The following CHD1L variants were observed in gnomAD, a reference collection of about 807,000 sequenced individuals.
The protein encoded by CHD1L is ATP-dependent chromatin remodeler CHD1L.
CHD1L carries 118 observed loss-of-function variants against 115.9 expected under a neutral mutation model. The ratio of observed to expected loss-of-function variants is 1.02; its 90% confidence interval spans 0.88 to 1.19. The LOEUF (loss-of-function observed/expected upper bound fraction) is 1.19, where lower values mean the gene tolerates loss of function less well. Ranked by LOEUF, CHD1L falls within the 50% of genes most tolerant of loss-of-function variation. The pLI is 0.00. For missense variants in CHD1L, 1,179 were observed against 1,065.3 expected (o/e 1.11, Z -1.49); for synonymous variants, 411 against 387.1 (o/e 1.06, Z -0.72).
At chr1:147,280,542 C>T (rs1393140524) in intron 15 of CHD1L, among the ~76,000 whole-genome samples, 2 of 152,178 alleles carry the variant, frequency 1.3e-5, no homozygotes, top group Non-Finnish European at 2.9e-5. Context: ...TTGCACATAG[C>T]GATTCCTCTT....
rs1553966097 is a variant in CHD1L at position 147,286,517 on chromosome 1, G to A, written c.2221+17G>A. The A allele has an allele frequency of 2.5e-6, 4 of 1,611,656 alleles. No homozygotes were observed. Among genetic ancestry groups the A allele is most frequent in the South Asian group, 2.2e-5 (2 of 90,954 alleles). On this transcript the variant is annotated intron_variant, in intron 18 of 22. Transcript: ENST00000369258. ...ACTGCGTAGGTACGAGAAGTGGTAT[G>A]GGCTGGGGATGGGGGCCTCAGTCCT...
intron 14 of CHD1L, among the ~76,000 whole-genome samples, chr1:147,278,248 CAG>C (rs1679364556): frequency 5.5e-5 from 2 of 36,312 alleles, no homozygotes; most frequent in Admixed American, 8.4e-4. Flanking sequence ...TTTTTTGAGA[CAG>C]AGTCTCGTTC....
At chr1:147,292,317 ACATATG>A (rs1332856348) in intron 20 of CHD1L, among the ~76,000 whole-genome samples, 1 of 152,246 alleles carries the variant, frequency 6.6e-6, no homozygotes, top group Admixed American at 6.5e-5. Flanking sequence ...AGGAACTAAC[ACATATG>A]TCCTCTGCCC....
the CHD1L span, chr1:147,201,108 C>T: frequency 4.3e-6 from 6 of 1,389,236 alleles, no homozygotes; most frequent in Non-Finnish European, 4.0e-6. Context: ...CAGAGGTAAA[C>T]ATATCACCAA....
the CHD1L span, among the ~76,000 whole-genome samples, chr1:147,190,585 G>A: frequency 6.6e-6 from 1 of 152,072 alleles, no homozygotes; most frequent in African/African-American, 2.4e-5. Context: ...TAGTTACAAA[G>A]TTAAAGGGCA....
At chr1:147,212,480 C>T in the CHD1L span, 3 of 1,613,722 alleles carry the variant, frequency 1.9e-6, no homozygotes, top group African/African-American at 2.7e-5. Context: ...CAGTGAATCC[C>T]TCTGGGTTCT....
chr1:147,242,497 C>T (rs1559704579), upstream of CHD1L: 5 of 436,154 alleles, frequency 1.1e-5, no homozygotes, highest in Non-Finnish European at 1.9e-5. Flanking sequence ...GAGAACTGGG[C>T]AGCCCTTCCA....
chr1:147,202,514 T>A, the CHD1L span, among the ~76,000 whole-genome samples: 1 of 151,848 alleles, frequency 6.6e-6, no homozygotes, highest in Non-Finnish European at 1.5e-5. Flanking sequence ...GAGACAGGGT[T>A]TCACCATGTT....
the CHD1L span, chr1:147,203,710 A>C: frequency 1.1e-5 from 16 of 1,517,416 alleles, no homozygotes; most frequent in Non-Finnish European, 1.4e-5. Context: ...CTCTGGGTAC[A>C]AGACGTTTAT....
chr1:147,264,445 G>T lies in CHD1L; in HGVS notation c.600G>T (p.Leu200=), dbSNP rs782037134. 1 of 1,612,062 alleles carries T rather than the reference G, an allele frequency of 6.2e-7. No individual in the cohort carries two copies. Among genetic ancestry groups the T allele is most frequent in the Admixed American group, 1.7e-5 (1 of 59,764 alleles). ...AGTTCTCAGTAGTCTTCAGTCTCCT[G>T]TTGACCGGAACTCCCATCCAGAACA... is the stretch of plus-strand genomic sequence containing the variant. The part of the protein sequence containing the change: ...LSEFSVVFSL[L]LTGTPIQNSL... Residue 200 remains leucine, a synonymous_variant, in exon 7 of 23, where the codon CTG becomes CTT. Coordinates refer to ENST00000369258, the MANE Select transcript of CHD1L (RefSeq NM_004284.6).
At chr1:147,287,043 C>T (rs587761408) in intron 18 of CHD1L, among the ~76,000 whole-genome samples, 1 of 152,286 alleles carries the variant, frequency 6.6e-6, no homozygotes, top group African/African-American at 2.4e-5. Flanking sequence ...TGACACATTA[C>T]CTATGTATTT....
At chr1:147,210,102 C>T in the CHD1L span, 1 of 152,188 alleles carries the variant, frequency 6.6e-6, no homozygotes, top group Non-Finnish European at 1.5e-5. Flanking sequence ...AGTATTATTA[C>T]ACCCATGTTA....
At chr1:147,254,165 A>G (rs1411402212) in intron 2 of CHD1L, among the ~76,000 whole-genome samples, 1 of 152,224 alleles carries the variant, frequency 6.6e-6, no homozygotes, top group East Asian at 1.9e-4. Flanking sequence ...ATAAGTGTGT[A>G]CTAGAATCTT....
chr1:147,204,305 A>G, the CHD1L span: 2 of 962,978 alleles, frequency 2.1e-6, no homozygotes, highest in Middle Eastern at 2.1e-4. Flanking sequence ...GTGATACCAC[A>G]GCCCAGAATT....
intron 1 of CHD1L, among the ~76,000 whole-genome samples, chr1:147,243,790 T>G (rs1553932613): frequency 6.6e-6 from 1 of 151,322 alleles, no homozygotes; most frequent in African/African-American, 2.4e-5. Context: ...ATAGGGACCC[T>G]TCCTACCTAG....
At chr1:147,281,524 G>T (rs782144504) in intron 15 of CHD1L, among the ~76,000 whole-genome samples, 1 of 152,256 alleles carries the variant, frequency 6.6e-6, no homozygotes, top group Middle Eastern at 3.4e-3. Context: ...AATTTGGGCA[G>T]CTGGCATTGT....
upstream of CHD1L, among the ~76,000 whole-genome samples, chr1:147,238,728 TAGATTTTAA>T (rs1322456104): frequency 6.6e-6 from 1 of 152,184 alleles, no homozygotes; most frequent in Non-Finnish European, 1.5e-5. Flanking sequence ...TCATATGCCC[TAGATTTTAA>T]AATTGTTCCA....
At chr1:147,225,100 C>T in the CHD1L span, 2 of 1,605,970 alleles carry the variant, frequency 1.2e-6, no homozygotes, top group South Asian at 1.1e-5. Flanking sequence ...AAAAAGCACA[C>T]ATCGGTTAAC....
Position 147,287,547 on chromosome 1 carries a change from A to G in CHD1L, c.2222-88A>G, listed in dbSNP as rs147250996. 2.1e-4 allele frequency: 177 copies of G among 858,220 alleles called. No homozygotes were observed. In the African/African-American group the frequency reaches 2.7e-3, roughly 13 times the overall value. 53.2% of individuals were successfully genotyped at this position (858,220 alleles called of 1,614,324 possible). Reference sequence around the variant, plus strand: ...CTTCCCTTTGAAAAATCATTCTTCCACAAGTCCCTTTTGTGTGCCTTTGTT... The same window carrying G: ...CTTCCCTTTGAAAAATCATTCTTCCGCAAGTCCCTTTTGTGTGCCTTTGTT... On this transcript the variant is annotated intron_variant, in intron 18 of 22. Coordinates refer to ENST00000369258, the MANE Select transcript of CHD1L (RefSeq NM_004284.6).
Sources: gnomAD v4.1 joint callset for allele counts (sites outside exome capture counted in the v4.1 genomes callset) on GRCh38, gnomAD v4.1.1 for gene constraint, MANE v1.5 for transcripts, NCBI Gene and HGNC (gene_info 2026-07-23, HGNC 2026-07-21) for gene names.